Variants in WDR76 observed in about 807,000 individuals in gnomAD.
WDR76 encodes the protein WD repeat-containing protein 76.
WDR76 carries 52 observed loss-of-function variants against 70.2 expected under a neutral mutation model. The observed-to-expected ratio is 0.74, with a 90% CI of 0.59 to 0.93. The LOEUF is 0.93. Among genes scored for constraint, WDR76 ranks in the 40% least tolerant of loss-of-function variants. WDR76 has a pLI of 0.00. For missense variants in WDR76, 756 were observed against 760.2 expected, an observed-to-expected ratio of 0.99 and a Z score of 0.07; for synonymous variants, 292 against 271.1, an observed-to-expected ratio of 1.08 and a Z score of -0.76.
chr15:43,842,760 G>A, intron 7 of WDR76, 89 bp downstream of exon 7: 1 of 1,236,734 alleles, frequency 8.1e-7, no homozygotes. Flanking sequence ...TTTTGAAAGT[G>A]AGATGAAATG....
At chr15:43,836,303 T>C in intron 4 of WDR76, 87 bp downstream of exon 4, 1 of 1,252,930 alleles carries the variant, frequency 8.0e-7, no homozygotes, top group South Asian at 1.5e-5. Flanking sequence ...TGTGGTAAGC[T>C]TAACAGATCA....
chr15:43,836,121 C>A, intron 3 of WDR76, 40 bp from the exon 4 acceptor site: 2 of 1,569,448 alleles, frequency 1.3e-6, no homozygotes, highest in South Asian at 2.3e-5. Context: ...AGGTAAGATA[C>A]GTAGTTATAA....
At chr15:43,854,592 A>T (rs2087906090) in intron 9 of WDR76, among the ~76,000 whole-genome samples, 1 of 152,132 alleles carries the variant, frequency 6.6e-6, no homozygotes, top group African/African-American at 2.4e-5. Context: ...GGTACAATTT[A>T]CCACTTTAGG....
intron 4 of WDR76, among the ~76,000 whole-genome samples, chr15:43,836,756 G>T (rs1451451201): frequency 1.3e-5 from 2 of 151,996 alleles, no homozygotes; most frequent in Admixed American, 6.6e-5. Context: ...TGTTGGCTGG[G>T]TGCAGTGGCT....
intron 8 of WDR76, among the ~76,000 whole-genome samples, chr15:43,847,565 C>T (rs182401498): frequency 5.3e-5 from 8 of 152,196 alleles, no homozygotes; most frequent in East Asian, 1.9e-4. Flanking sequence ...GGATTACAGG[C>T]GTCCGCTACC....
chr15:43,865,127 A>C (rs1215121869), intron 12 of WDR76, among the ~76,000 whole-genome samples: 3 of 126,390 alleles, frequency 2.4e-5, no homozygotes, highest in Middle Eastern at 6.0e-3. Flanking sequence ...ACAGAATCTC[A>C]CTCTGTTGCC....
chr15:43,850,458 G>T (rs1364741062), intron 8 of WDR76, among the ~76,000 whole-genome samples: 1 of 151,904 alleles, frequency 6.6e-6, no homozygotes, highest in Non-Finnish European at 1.5e-5. Flanking sequence ...ACCACGCCCG[G>T]CTAGTTTTTT....
At chr15:43,827,258 A>G (rs546618048) in intron 1 of WDR76, 166 bp downstream of exon 1, 15 of 746,928 alleles carry the variant, frequency 2.0e-5, no homozygotes, top group Non-Finnish European at 3.0e-5. Context: ...CAATAACCCG[A>G]GAAATAGTGG....
chr15:43,840,929 A>G (rs910524199), intron 5 of WDR76, among the ~76,000 whole-genome samples: 1 of 151,732 alleles, frequency 6.6e-6, no homozygotes, highest in African/African-American at 2.4e-5. Context: ...ATATATATAT[A>G]TTTATTTACA....
At chr15:43,842,732 A>G (rs760918394) in intron 7 of WDR76, 61 bp downstream of exon 7, 105 of 1,471,556 alleles carry the variant, frequency 7.1e-5, no homozygotes, top group African/African-American at 1.6e-4. Context: ...TATAAAGACT[A>G]TACGCCATTT....
At chr15:43,853,503 T>C (rs1443798829) in intron 9 of WDR76, among the ~76,000 whole-genome samples, 1 of 152,168 alleles carries the variant, frequency 6.6e-6, no homozygotes, top group Non-Finnish European at 1.5e-5. Context: ...AACTTACATT[T>C]CAATAAGCTT....
intron 8 of WDR76, among the ~76,000 whole-genome samples, chr15:43,844,256 CATT>C (rs2087759739): frequency 6.6e-6 from 1 of 152,154 alleles, no homozygotes; most frequent in Non-Finnish European, 1.5e-5. Flanking sequence ...GCTTGAATAT[CATT>C]AACCATCTGG....
chr15:43,827,735 G>A (rs2087534345), intron 1 of WDR76, among the ~76,000 whole-genome samples: 1 of 152,110 alleles, frequency 6.6e-6, no homozygotes, highest in Admixed American at 6.6e-5. Context: ...AGTAGAGACA[G>A]GTGGTTTCAT....
rs1404700440 is a variant in WDR76 at position 43,844,914 on chromosome 15, C to T, written c.1032+860C>T. Among the ~76,000 whole-genome samples, 4 of 73,850 alleles carry T rather than the reference C, an allele frequency of 5.4e-5. No homozygotes were observed. In the South Asian group the frequency reaches 1.9e-3, roughly 34 times the overall value. The allele number at this position is 73,850 out of a possible 152,430, so 48.4% of individuals were successfully genotyped here. A position where few individuals can be genotyped will look rare whatever the true frequency, so the allele number is the denominator to read the frequency against. ...CTGCACTCCAGCCTGGGCGACAGAG[C>T]GAGACTCTGTGTAAAAAAAAAAAAA... On this transcript the variant is annotated intron_variant, in intron 8 of 12. Transcript: ENST00000263795.
chr15:43,833,241 T>C (rs1596066810), intron 2 of WDR76, among the ~76,000 whole-genome samples: 1 of 152,060 alleles, frequency 6.6e-6, no homozygotes, highest in East Asian at 1.9e-4. Flanking sequence ...CATAGCTTAC[T>C]ACAAACTTGA....
intron 12 of WDR76, among the ~76,000 whole-genome samples, chr15:43,863,395 C>A (rs112571402): frequency 0.038 from 5,754 of 152,166 alleles, 159 homozygotes; most frequent in Middle Eastern, 0.075. Flanking sequence ...AATCTGTCAG[C>A]AATCTTCAAG....
chr15:43,862,422 A>G (rs1000625626), intron 12 of WDR76, among the ~76,000 whole-genome samples: 1 of 147,402 alleles, frequency 6.8e-6, no homozygotes, highest in African/African-American at 2.5e-5. Flanking sequence ...GGTGCAAGCA[A>G]TTCTCCTGCC....
intron 9 of WDR76, among the ~76,000 whole-genome samples, chr15:43,856,117 C>A (rs942225249): frequency 2.0e-5 from 3 of 152,018 alleles, no homozygotes; most frequent in Non-Finnish European, 2.9e-5. Context: ...TATAAAACTA[C>A]CTTATTCTTT....
intron 1 of WDR76, 174 bp downstream of exon 1, chr15:43,827,266 T>G (rs1567179991): frequency 2.8e-6 from 2 of 719,486 alleles, no homozygotes; most frequent in Non-Finnish European, 4.5e-6. Context: ...CGAGAAATAG[T>G]GGGAGAGTCA....
Sources: allele counts gnomAD v4.1 joint callset (sites outside exome capture counted in the v4.1 genomes callset), GRCh38; gene constraint gnomAD v4.1.1; transcripts MANE v1.5; gene names NCBI Gene and HGNC (gene_info 2026-07-23, HGNC 2026-07-21).